The following ARHGAP20 variants were observed in gnomAD, a reference collection of about 807,000 sequenced individuals.
The protein encoded by ARHGAP20 is Rho GTPase activating protein 20, also known as rho GTPase-activating protein 20.
ARHGAP20 carries 34 observed loss-of-function variants against 73.7 expected under a neutral mutation model. That is an observed-to-expected ratio of 0.46 (90% CI 0.35 to 0.61). ARHGAP20 has a LOEUF of 0.61. Ranked by LOEUF, ARHGAP20 falls within the 20% of genes least tolerant of loss-of-function variation. The pLI is 0.00. For missense variants in ARHGAP20, 1,314 were observed against 1,420.9 expected (o/e 0.92, Z 1.21); for synonymous variants, 523 against 518.2 (o/e 1.01, Z -0.13).
intron 9 of ARHGAP20, among the ~76,000 whole-genome samples, chr11:110,603,603 T>C (rs1014692543): frequency 6.6e-6 from 1 of 152,126 alleles, no homozygotes; most frequent in Non-Finnish European, 1.5e-5. Flanking sequence ...ACAGTTCGAG[T>C]AGTGTTTTAC....
At position 110,595,607 on chromosome 11, in the gene ARHGAP20, A is replaced by C. The variant is rs552478183; in HGVS notation, c.965-3452T>G. Among the ~76,000 whole-genome samples, 240 of 152,366 alleles carry C rather than the reference A, an allele frequency of 1.6e-3. 1 individual carries two copies. Among genetic ancestry groups the C allele is most frequent in the African/African-American group, 5.4e-3 (223 of 41,584 alleles). On this transcript the variant is annotated intron_variant, in intron 9 of 14. Transcript: ENST00000683387. ...ACAAGGGATGTGAAGGACCTCTTCC[A>C]GGAGAACTACAAACCACTGCCCAAT...
chr11:110,673,969 C>A (rs531313665), intron 2 of ARHGAP20, among the ~76,000 whole-genome samples: 3 of 148,730 alleles, frequency 2.0e-5, no homozygotes, highest in African/African-American at 7.4e-5. Flanking sequence ...GACAGCATTT[C>A]GCTCTGTTGC....
chr11:110,671,569 A>T (rs567878089), intron 2 of ARHGAP20, among the ~76,000 whole-genome samples: 2 of 152,282 alleles, frequency 1.3e-5, no homozygotes, highest in African/African-American at 4.8e-5. Flanking sequence ...TTATTCACAA[A>T]GGGAATGAAT....
intron 2 of ARHGAP20, among the ~76,000 whole-genome samples, chr11:110,682,698 G>A (rs984106140): frequency 6.6e-6 from 1 of 152,092 alleles, no homozygotes; most frequent in Non-Finnish European, 1.5e-5. Context: ...CAGAAGGCTT[G>A]AGTCTTAAAA....
At position 110,624,425 on chromosome 11, in the gene ARHGAP20, T is replaced by C. The variant is rs1228707681; in HGVS notation, c.354-114A>G. ...ACTAACACAGGTACAGAAAACCAAA[T>C]ACTGCATGTTCTCACTCATAAGAGT... On this transcript the variant is annotated intron_variant, in intron 3 of 14. Coordinates refer to ENST00000683387, the MANE Select transcript of ARHGAP20 (RefSeq NM_001384657.1). 6.5e-6 allele frequency: 5 copies of C among 773,284 alleles called. No individual in the cohort carries two copies. The African/African-American group carries it at 9.0e-5, about 14-fold the overall frequency. The allele number at this position is 773,284 out of a possible 1,614,324, so 47.9% of individuals were successfully genotyped here.
intron 2 of ARHGAP20, among the ~76,000 whole-genome samples, chr11:110,642,857 G>C (rs147651314): frequency 6.6e-6 from 1 of 152,218 alleles, no homozygotes; most frequent in African/African-American, 2.4e-5. Context: ...AGTAGAACTG[G>C]TACAAACTCT....
chr11:110,711,633 C>A, intron 1 of ARHGAP20: 1 of 1,483,134 alleles, frequency 6.7e-7, no homozygotes, highest in Non-Finnish European at 8.9e-7. Context: ...GCCGAGCCCA[C>A]CAGCGCCGCA....
chr11:110,712,027 G>A, intron 1 of ARHGAP20, 100 bp downstream of exon 1: 2 of 1,242,518 alleles, frequency 1.6e-6, no homozygotes, highest in Non-Finnish European at 2.0e-6. Flanking sequence ...AAATTCCCGC[G>A]GCGTCCGCCT....
intron 1 of ARHGAP20, among the ~76,000 whole-genome samples, chr11:110,696,987 G>A (rs1950348443): frequency 1.3e-5 from 2 of 151,794 alleles, no homozygotes; most frequent in South Asian, 4.2e-4. Flanking sequence ...TGGACACTTG[G>A]ATTGGCTCCA....
chr11:110,656,616 G>C (rs1482273929), intron 2 of ARHGAP20, among the ~76,000 whole-genome samples: 1 of 152,114 alleles, frequency 6.6e-6, no homozygotes, highest in Non-Finnish European at 1.5e-5. Flanking sequence ...CTAGGCCCTG[G>C]GGATGAGAGG....
intron 11 of ARHGAP20, chr11:110,589,335 TA>T: frequency 1.1e-6 from 1 of 947,018 alleles, no homozygotes; most frequent in East Asian, 1.2e-4. Flanking sequence ...TGCAAAAATT[TA>T]TAGCAGGGTT....
At chr11:110,648,178 TATATATATATGTAA>T (rs1949245909) in intron 2 of ARHGAP20, among the ~76,000 whole-genome samples, 3 of 115,928 alleles carry the variant, frequency 2.6e-5, no homozygotes, top group African/African-American at 3.5e-5. Flanking sequence ...TGTAAATATA[TATATATATATGTAA>T]ATATATATAT....
intron 2 of ARHGAP20, among the ~76,000 whole-genome samples, chr11:110,671,588 A>G (rs1210453535): frequency 6.6e-6 from 1 of 152,174 alleles, no homozygotes; most frequent in Non-Finnish European, 1.5e-5. Context: ...ATGTGTATGT[A>G]GAATATCCTG....
At chr11:110,652,744 A>C (rs1241090424) in intron 2 of ARHGAP20, among the ~76,000 whole-genome samples, 1 of 152,194 alleles carries the variant, frequency 6.6e-6, no homozygotes, top group African/African-American at 2.4e-5. Flanking sequence ...AGAGAACACA[A>C]ACAAATGGAA....
At chr11:110,696,544 GCTTA>G (rs769366946) in intron 1 of ARHGAP20, among the ~76,000 whole-genome samples, 4 of 151,580 alleles carry the variant, frequency 2.6e-5, no homozygotes, top group African/African-American at 9.7e-5. Context: ...TTGCCCACCT[GCTTA>G]CTGTTTTAAT....
chr11:110,594,183 C>T (rs764892935), intron 9 of ARHGAP20, among the ~76,000 whole-genome samples: 13 of 151,658 alleles, frequency 8.6e-5, no homozygotes, highest in Non-Finnish European at 1.6e-4. Flanking sequence ...AACGTTTTAC[C>T]AAATGGCCTT....
chr11:110,628,506 G>A (rs1186017674), intron 3 of ARHGAP20, among the ~76,000 whole-genome samples: 1 of 152,124 alleles, frequency 6.6e-6, no homozygotes, highest in African/African-American at 2.4e-5. Flanking sequence ...TTTTTGCAAA[G>A]TGGCAGGATT....
intron 2 of ARHGAP20, among the ~76,000 whole-genome samples, chr11:110,688,892 C>T (rs1165455205): frequency 6.6e-6 from 1 of 152,030 alleles, no homozygotes; most frequent in Non-Finnish European, 1.5e-5. Context: ...TGAGAACTTG[C>T]TATGTGCTCG....
At chr11:110,639,805 G>A (rs1318819879) in intron 2 of ARHGAP20, among the ~76,000 whole-genome samples, 9 of 151,944 alleles carry the variant, frequency 5.9e-5, no homozygotes, top group African/African-American at 1.9e-4. Context: ...TCTGGTGAAC[G>A]GCTATAGCAC....
Sources: gnomAD v4.1 joint callset for allele counts (sites outside exome capture counted in the v4.1 genomes callset) on GRCh38, gnomAD v4.1.1 for gene constraint, MANE v1.5 for transcripts, NCBI Gene and HGNC (gene_info 2026-07-23, HGNC 2026-07-21) for gene names.